NTRK1: variants seen among roughly 807,000 people sequenced by gnomAD.
The protein encoded by NTRK1 is neurotrophic receptor tyrosine kinase 1.
NTRK1 carries 62 observed loss-of-function variants against 86.8 expected under a neutral mutation model. The observed-to-expected ratio is 0.71, with a 90% CI of 0.58 to 0.88. The LOEUF (loss-of-function observed/expected upper bound fraction) is 0.88. Ranked by LOEUF, NTRK1 falls within the 40% of genes least tolerant of loss-of-function variation. The pLI is 0.00. For synonymous variants in NTRK1, 469 were observed against 456.6 expected (o/e 1.03, Z -0.35); for missense variants, 967 against 1,078.4 (o/e 0.90, Z 1.45).
intron 14 of NTRK1, among the ~76,000 whole-genome samples, chr1:156,877,593 A>T (rs550480389): frequency 5.3e-5 from 8 of 152,348 alleles, no homozygotes; most frequent in African/African-American, 1.9e-4. Flanking sequence ...TTTGCAAGGC[A>T]GGGAGAAGAG....
At position 156,844,045 on chromosome 1, in the gene NTRK1, C is replaced by T. The variant is rs966061245; in HGVS notation, c.50+1852C>T. 6 of 672,540 alleles carry T rather than the reference C, an allele frequency of 8.9e-6. 1 individual carries two copies. Among genetic ancestry groups the T allele is most frequent in the Admixed American group, 5.4e-5 (2 of 37,220 alleles). The allele number at this position is 672,540 out of a possible 1,614,324, so 41.7% of individuals were successfully genotyped here. A position where few individuals can be genotyped will look rare whatever the true frequency, so the allele number is the denominator to read the frequency against. On this transcript the variant is annotated intron_variant, in intron 2 of 16. Coordinates refer to the NTRK1 transcript ENST00000392302. ...TGAGAGGTATGTTTCCTCTGTGCCACCGCAGGGGAAGAGTTACTGCCTGTA... is the reference window on the plus strand; with the variant it reads ...TGAGAGGTATGTTTCCTCTGTGCCATCGCAGGGGAAGAGTTACTGCCTGTA...
chr1:156,844,111 G>T lies in NTRK1; in HGVS notation c.50+1918G>T. On this transcript the variant is annotated intron_variant, in intron 2 of 16. Transcript: ENST00000392302. ...TCTACTGTCTCATCTACCTCCCTTTGACAGACTTTATGATGAGGGCTCAGG... is the reference window on the plus strand; with the variant it reads ...TCTACTGTCTCATCTACCTCCCTTTTACAGACTTTATGATGAGGGCTCAGG... The T allele has an allele frequency of 4.1e-6, 5 of 1,223,622 alleles. No homozygotes were observed. The South Asian group carries it at 5.2e-5, about 13-fold the overall frequency. The allele number at this position is 1,223,622 out of a possible 1,614,324, so 75.8% of individuals were successfully genotyped here.
At chr1:156,868,815 C>G (rs1210134567) in intron 6 of NTRK1, among the ~76,000 whole-genome samples, 168 bp downstream of exon 6, 1 of 152,174 alleles carries the variant, frequency 6.6e-6, no homozygotes, top group Non-Finnish European at 1.5e-5. Flanking sequence ...GGCCTATGCT[C>G]TGGGGCAGCC....
intron 2 of NTRK1, chr1:156,845,560 A>AAC: frequency 7.4e-7 from 1 of 1,348,678 alleles, no homozygotes; most frequent in Non-Finnish European, 1.0e-6. Flanking sequence ...CTCCCGCAAG[A>AAC]CCCGCCCCTC....
Position 156,871,736 on chromosome 1 carries a change from T to A in NTRK1, c.831T>A (p.Ser277=), listed in dbSNP as rs748368980. 6.2e-7 allele frequency: 1 copy of A among 1,614,178 alleles called. No homozygotes were observed. The highest frequency in any genetic ancestry group is 8.5e-7 in the Non-Finnish European group (1 of 1,180,038). Residue 277 remains serine, a synonymous_variant, in exon 7 of 17, where the codon TCT becomes TCA. Transcript: ENST00000524377. ...ACGATGTGGGCCGGGCAGAGGTCTC[T>A]GTTCAGGTCAACGTCTCCTGTGAGT... ...AENDVGRAEV[S]VQVNVSFPAS...
intron 1 of NTRK1, among the ~76,000 whole-genome samples, chr1:156,817,799 T>C (rs942931175): frequency 6.6e-6 from 1 of 152,028 alleles, no homozygotes; most frequent in Non-Finnish European, 1.5e-5. Flanking sequence ...TGTACCACCA[T>C]GCCTGGCTAA....
At chr1:156,858,597 A>G (rs1232739649), upstream of NTRK1, 2 of 1,613,982 alleles carry the variant, frequency 1.2e-6, no homozygotes, top group African/African-American at 2.7e-5. Context: ...CATGCTCCCC[A>G]GGGCCACAGA....
intron 2 of NTRK1, chr1:156,853,974 C>G: frequency 6.2e-7 from 1 of 1,612,814 alleles, no homozygotes; most frequent in African/African-American, 1.3e-5. Flanking sequence ...TCCACACGCA[C>G]AGCCCCACGC....
chr1:156,825,326 T>G (rs1448219295), intron 1 of NTRK1, among the ~76,000 whole-genome samples: 1 of 152,342 alleles, frequency 6.6e-6, no homozygotes, highest in Non-Finnish European at 1.5e-5. Context: ...ATAAATGCCT[T>G]GCCTTTTTCT....
At chr1:156,848,626 T>C (rs1655091342) in intron 2 of NTRK1, among the ~76,000 whole-genome samples, 1 of 152,124 alleles carries the variant, frequency 6.6e-6, no homozygotes, top group Non-Finnish European at 1.5e-5. Flanking sequence ...TGTAGAACAT[T>C]AGCATAATGA....
At chr1:156,859,515 A>C (rs1655532556), upstream of NTRK1, among the ~76,000 whole-genome samples, 2 of 152,160 alleles carry the variant, frequency 1.3e-5, no homozygotes, top group South Asian at 4.1e-4. The surrounding 1 kb of genome is among the most constrained non-coding windows in gnomAD (Gnocchi z 6.2). Context: ...GAACGTGGAC[A>C]GCCCTTGGCC....
upstream of NTRK1, chr1:156,858,428 T>G (rs1655486648): frequency 1.2e-6 from 1 of 812,872 alleles, no homozygotes. Context: ...CCAACCCCCA[T>G]GTTCCAGTGC....
Position 156,841,708 on chromosome 1 carries a change from C to T in NTRK1, c.-63-373C>T, listed in dbSNP as rs754005399. ...GTGAAGATCCCATCTTTGAGGGACT[C>T]GGGGGCCATCCAGCGCACGGGCAGC... On this transcript the variant is annotated intron_variant, in intron 1 of 16. Transcript: ENST00000392302. 2.7e-5 allele frequency: 44 copies of T among 1,613,978 alleles called. No individual in the cohort carries two copies. The highest frequency in any genetic ancestry group is 1.6e-4 in the Middle Eastern group (1 of 6,084).
Position 156,835,341 on chromosome 1 carries a change from G to A in NTRK1, c.-63-6740G>A, listed in dbSNP as rs116432038. Among the ~76,000 whole-genome samples, 1,090 of 152,236 alleles carry A rather than the reference G, an allele frequency of 7.2e-3. 11 individuals carry two copies. Among genetic ancestry groups the A allele is most frequent in the African/African-American group, 0.025 (1,035 of 41,520 alleles). ...GGAGAGTATGTATGTGACAGAGCCC[G>A]CGATACACACCCAGGTAGCGAGGGG... On this transcript the variant is annotated intron_variant, in intron 1 of 16. Transcript: ENST00000392302.
chr1:156,844,471 G>A (rs1398375894), intron 2 of NTRK1: 2 of 1,613,724 alleles, frequency 1.2e-6, no homozygotes, highest in Non-Finnish European at 1.7e-6. Context: ...CCTGGGCCAA[G>A]GATGTAGAAG....
At chr1:156,848,814 C>G in intron 2 of NTRK1, 1 of 1,382,460 alleles carries the variant, frequency 7.2e-7, no homozygotes, top group Non-Finnish European at 9.7e-7. Context: ...TCCTGGCTTC[C>G]TGGGTCTTCA....
chr1:156,844,145 G>T, intron 2 of NTRK1: 6 of 1,512,634 alleles, frequency 4.0e-6, no homozygotes, highest in Middle Eastern at 1.7e-4. Flanking sequence ...GGGAGAAAAG[G>T]GGGTGGGGAC....
upstream of NTRK1, among the ~76,000 whole-genome samples, chr1:156,859,819 T>C (rs1374250640): frequency 2.6e-5 from 4 of 152,036 alleles, no homozygotes; most frequent in East Asian, 7.8e-4. This position sits in a 1 kb window ranked among gnomAD's most constrained non-coding sequence, Gnocchi z 6.2. Context: ...GCCTTGCCTG[T>C]CTCCCCGCCA....
At position 156,854,476 on chromosome 1, in the gene NTRK1, C is replaced by T. The variant is rs965041579; in HGVS notation, c.51-9878C>T. Among the ~76,000 whole-genome samples, 2 of 152,140 alleles carry T rather than the reference C, an allele frequency of 1.3e-5. No individual in the cohort carries two copies. Among genetic ancestry groups the T allele is most frequent in the African/African-American group, 4.8e-5 (2 of 41,426 alleles). On this transcript the variant is annotated intron_variant, in intron 2 of 16. Transcript: ENST00000392302. This position sits in a 1 kb window ranked among gnomAD's most constrained non-coding sequence, Gnocchi z 4.2. ...TGGGCCCCGGAGGGCTCACCTGCAG[C>T]CTGCAGGGTCTCTACCAGATGAGCC...
Sources: allele counts gnomAD v4.1 joint callset (sites outside exome capture counted in the v4.1 genomes callset), GRCh38; gene constraint gnomAD v4.1.1; non-coding constraint Gnocchi (gnomAD v3.1); transcripts MANE v1.5; gene names NCBI Gene and HGNC (gene_info 2026-07-23, HGNC 2026-07-21).